Variants in EMID1 observed in about 807,000 individuals in gnomAD.
EMID1 encodes EMI domain containing 1.
A neutral mutation model predicts 60.6 loss-of-function variants in EMID1; 40 were observed. The observed-to-expected ratio is 0.66, with a 90% CI of 0.51 to 0.86. The LOEUF (loss-of-function observed/expected upper bound fraction) is 0.86, where lower values mean the gene tolerates loss of function less well. Ranked by LOEUF, EMID1 falls within the 40% of genes least tolerant of loss-of-function variation. The pLI, the probability that EMID1 is intolerant of heterozygous loss-of-function variation, is 0.00. For missense variants in EMID1, 585 were observed against 597.1 expected (o/e 0.98, Z 0.21); for synonymous variants, 242 against 231.0 (o/e 1.05, Z -0.43).
chr22:29,258,717 A>AG, intron 14 of EMID1, 100 bp from the exon 15 acceptor site: 1 of 1,505,130 alleles, frequency 6.6e-7, no homozygotes, highest in Non-Finnish European at 8.9e-7. Flanking sequence ...TATACCTGGC[A>AG]GAGCGTGCCC....
chr22:29,223,419 A>G (rs2040374579), intron 3 of EMID1, among the ~76,000 whole-genome samples: 1 of 152,242 alleles, frequency 6.6e-6, no homozygotes, highest in Non-Finnish European at 1.5e-5. Context: ...TCAACTTCTC[A>G]AAAAGAGTAC....
Position 29,225,172 on chromosome 22 carries a change from G to T in EMID1, c.359G>T (p.Gly120Val), listed in dbSNP as rs1039978717. Residue 120 changes from glycine (G) to valine (V), a missense_variant, in exon 4 of 15, where the codon GGC becomes GTC. Transcript: ENST00000334018. Reference protein sequence around the residue: ...SSASLEPMWSGSTMRRMALRP... With the variant: ...SSASLEPMWSVSTMRRMALRP... Reference sequence around the variant, plus strand: ...GCCTCCTTGGAGCCCATGTGGTCGGGCAGTACCATGCGGCGGATGGCGCTT... The same window carrying T: ...GCCTCCTTGGAGCCCATGTGGTCGGTCAGTACCATGCGGCGGATGGCGCTT... The T allele has an allele frequency of 4.3e-6, 7 of 1,613,832 alleles. No homozygotes were observed. In the African/African-American group the frequency reaches 9.3e-5, roughly 22 times the overall value.
intron 12 of EMID1, among the ~76,000 whole-genome samples, chr22:29,240,397 A>G (rs545628584): frequency 1.2e-5 from 1 of 83,756 alleles, no homozygotes; most frequent in East Asian, 8.9e-4. Flanking sequence ...AATGTAAAAG[A>G]GTCTTGGAAC....
At chr22:29,226,385 T>G (rs1439312369) in intron 4 of EMID1, 105 bp from the exon 5 acceptor site, 1 of 1,306,244 alleles carries the variant, frequency 7.7e-7, no homozygotes, top group Non-Finnish European at 1.1e-6. Context: ...GTTGGGGTCA[T>G]CAGGTATCTG....
At chr22:29,240,447 G>T (rs2041113261) in intron 12 of EMID1, among the ~76,000 whole-genome samples, 1 of 152,018 alleles carries the variant, frequency 6.6e-6, no homozygotes, top group Non-Finnish European at 1.5e-5. Flanking sequence ...CGTGGCCTTT[G>T]GAACACCAAA....
intron 14 of EMID1, among the ~76,000 whole-genome samples, chr22:29,258,109 C>T (rs900420574): frequency 1.3e-5 from 2 of 152,216 alleles, no homozygotes; most frequent in African/African-American, 4.8e-5. Context: ...GCCAAGTCCT[C>T]CACCGTGGCC....
intron 3 of EMID1, among the ~76,000 whole-genome samples, chr22:29,219,579 A>G (rs1438884742): frequency 6.6e-6 from 1 of 152,110 alleles, no homozygotes; most frequent in Non-Finnish European, 1.5e-5. Context: ...CAGAAGTTCA[A>G]GCCTAGCCTG....
rs905324962 is a variant in EMID1, at chr22:29,214,362, G to A, written c.102-564G>A. On this transcript the variant is annotated intron_variant, in intron 1 of 14. Coordinates refer to ENST00000334018, the MANE Select transcript of EMID1 (RefSeq NM_133455.4). Reference sequence around the variant, plus strand: ...CACATCTGGGCTTTGAAGGTAGGAGGCGCCATGGGGAGAAGCGGAGGAAGG... The same window carrying A: ...CACATCTGGGCTTTGAAGGTAGGAGACGCCATGGGGAGAAGCGGAGGAAGG... Among the ~76,000 whole-genome samples the A allele has an allele frequency of 3.9e-5, 6 of 152,170 alleles. No individual in the cohort carries two copies. The South Asian group carries it at 1.0e-3, about 26-fold the overall frequency.
intron 12 of EMID1, among the ~76,000 whole-genome samples, chr22:29,242,121 G>A (rs898899491): frequency 2.6e-5 from 4 of 151,922 alleles, no homozygotes; most frequent in African/African-American, 9.7e-5. Flanking sequence ...GTAGAAATGG[G>A]GTTGCTCAGG....
chr22:29,258,822 G>C lies in EMID1; in HGVS notation c.1210G>C (p.Glu404Gln). The change falls in exon 15 of 15, where the codon GAG (glutamate) becomes CAG (glutamine). Residue 404 changes from glutamate to glutamine, a missense_variant. Transcript: ENST00000334018. ...CTCCTTCTTCCCTCCGGCAGAACCA[G>C]AGCTGGGGTCTGGGGCGGGCCCTGC... ...LETMIGLYEP[E>Q]LGSGAGPAGT... 1.2e-6 allele frequency: 2 copies of C among 1,613,188 alleles called. No individual in the cohort carries two copies. Among genetic ancestry groups the C allele is most frequent in the Non-Finnish European group, 8.5e-7 (1 of 1,179,810 alleles).
At chr22:29,229,838 A>G (rs376266294) in intron 5 of EMID1, among the ~76,000 whole-genome samples, 35 of 152,282 alleles carry the variant, frequency 2.3e-4, no homozygotes, top group African/African-American at 7.9e-4. Context: ...AGGATCTGCC[A>G]GAGAGTTTCA....
chr22:29,213,973 A>G (rs2039988518), intron 1 of EMID1, among the ~76,000 whole-genome samples: 1 of 152,198 alleles, frequency 6.6e-6, no homozygotes, highest in Non-Finnish European at 1.5e-5. Flanking sequence ...CCCAAGCCTC[A>G]GTTTCCCCTC....
chr22:29,216,478 G>T (rs2040086248), intron 3 of EMID1: 2 of 985,362 alleles, frequency 2.0e-6, no homozygotes, highest in Admixed American at 6.1e-5. Context: ...ACCAGGCCCA[G>T]AGACAGCTCA....
chr22:29,209,896 C>T (rs926683028), intron 1 of EMID1, among the ~76,000 whole-genome samples: 1 of 152,082 alleles, frequency 6.6e-6, no homozygotes, highest in South Asian at 2.1e-4. Context: ...TGGTGGGCTG[C>T]GGACTCCACA....
chr22:29,243,388 C>T (rs189114729), intron 12 of EMID1, 57 bp from the exon 13 acceptor site: 38 of 1,561,286 alleles, frequency 2.4e-5, no homozygotes, highest in South Asian at 9.1e-5. Flanking sequence ...CTTTTTTTCC[C>T]GTCCCTTTCT....
rs549807029 is a variant in EMID1, at chr22:29,233,314, G to A, written c.824-65G>A. The A allele has an allele frequency of 3.1e-5, 48 of 1,563,018 alleles. 1 individual carries two copies. In the East Asian group the frequency reaches 1.1e-3, roughly 34 times the overall value. Reference sequence around the variant, plus strand: ...CAGTCCAAGCTGTCTTGGCAGAGGTGGCAGGTGAAGACTAACCACCCCACT... The same window carrying A: ...CAGTCCAAGCTGTCTTGGCAGAGGTAGCAGGTGAAGACTAACCACCCCACT... On this transcript the variant is annotated intron_variant, in intron 8 of 14. Transcript: ENST00000334018.
intron 14 of EMID1, chr22:29,255,166 C>A: frequency 1.4e-6 from 1 of 708,186 alleles, no homozygotes. Flanking sequence ...CAGGCTCCTG[C>A]CCTGACGCCA....
rs140328322 is a variant in EMID1, at chr22:29,251,186, A to G, written c.1120-3017A>G. Reference sequence around the variant, plus strand: ...TGCAGCCTCAGCCTCCTGGGCATCAATCCTCCCACCTCAGCCTCCCAAGTA... The same window carrying G: ...TGCAGCCTCAGCCTCCTGGGCATCAGTCCTCCCACCTCAGCCTCCCAAGTA... On this transcript the variant is annotated intron_variant, in intron 13 of 14. Coordinates refer to ENST00000334018, the MANE Select transcript of EMID1 (RefSeq NM_133455.4). Among the ~76,000 whole-genome samples the G allele has an allele frequency of 2.9e-3, 434 of 151,806 alleles. 1 individual carries two copies. Among genetic ancestry groups the G allele is most frequent in the African/African-American group, 0.01 (416 of 41,370 alleles).
Position 29,206,075 on chromosome 22 carries a change from G to T in EMID1, c.37G>T (p.Gly13Trp). 1 of 1,230,350 alleles carries T rather than the reference G, an allele frequency of 8.1e-7. No individual in the cohort carries two copies. Among genetic ancestry groups the T allele is most frequent in the Non-Finnish European group, 1.0e-6 (1 of 987,150 alleles). The allele number at this position is 1,230,350 out of a possible 1,614,324, so 76.2% of individuals were successfully genotyped here. A position where few individuals can be genotyped will look rare whatever the true frequency, so the allele number is the denominator to read the frequency against. The change falls in exon 1 of 15, where the codon GGG becomes TGG. Residue 13 changes from glycine (G) to tryptophan (W), a missense_variant. By Grantham distance (184) the Gly-to-Trp change is radical. Transcript: ENST00000334018. ...GCGGGCTTGGGCGCTGCTCTGCCTCGGGCTCCTGCTCCCGGGAGGCGGCGC... is the reference window on the plus strand; with the variant it reads ...GCGGGCTTGGGCGCTGCTCTGCCTCTGGCTCCTGCTCCCGGGAGGCGGCGC... ...GPRAWALLCL[G>W]LLLPGGGAAW...
Sources: gnomAD v4.1 joint callset for allele counts (sites outside exome capture counted in the v4.1 genomes callset) on GRCh38, gnomAD v4.1.1 for gene constraint, MANE v1.5 for transcripts, NCBI Gene and HGNC (gene_info 2026-07-23, HGNC 2026-07-21) for gene names.